The following VPS35L variants were observed in gnomAD, a reference collection of about 807,000 sequenced individuals.
VPS35L encodes the protein VPS35 endosomal protein sorting factor like, also known as VPS35 endosomal protein-sorting factor-like.
A neutral mutation model predicts 133.0 loss-of-function variants in VPS35L; 83 were observed. The ratio of observed to expected loss-of-function variants is 0.62; its 90% CI spans 0.52 to 0.75. VPS35L has a LOEUF of 0.75. VPS35L is among the 30% of genes least tolerant of loss of function. The probability of loss-of-function intolerance (pLI) is 0.00; values close to 1 mark genes in which losing one functional copy is unlikely to be tolerated. For synonymous variants in VPS35L, 423 were observed against 449.9 expected, an observed-to-expected ratio of 0.94 and a Z score of 0.76; for missense variants, 1,083 against 1,206.8, an observed-to-expected ratio of 0.90 and a Z score of 1.52.
chr16:19,690,585 G>T (rs962526138), intron 28 of VPS35L, among the ~76,000 whole-genome samples: 1 of 152,208 alleles, frequency 6.6e-6, no homozygotes, highest in African/African-American at 2.4e-5. Context: ...GTGAGCTCTG[G>T]AATCAGACTT....
chr16:19,656,739 T>A (rs1175752512), intron 26 of VPS35L, among the ~76,000 whole-genome samples: 2 of 151,978 alleles, frequency 1.3e-5, no homozygotes, highest in Non-Finnish European at 2.9e-5. Context: ...GATGAAAGTA[T>A]GCCATGGGTT....
At chr16:19,697,392 C>T (rs1300272251) in intron 29 of VPS35L, among the ~76,000 whole-genome samples, 2 of 152,136 alleles carry the variant, frequency 1.3e-5, no homozygotes, top group Non-Finnish European at 2.9e-5. Flanking sequence ...GGCTTGAGTG[C>T]GGTGAGATCA....
chr16:19,651,377 G>A (rs1457157444), intron 25 of VPS35L, among the ~76,000 whole-genome samples: 1 of 151,172 alleles, frequency 6.6e-6, no homozygotes, highest in Non-Finnish European at 1.5e-5. Context: ...TAATTTTTTT[G>A]TTTTTTGTAG....
intron 12 of VPS35L, among the ~76,000 whole-genome samples, chr16:19,614,597 G>A (rs1972827439): frequency 6.6e-6 from 1 of 152,228 alleles, no homozygotes; most frequent in African/African-American, 2.4e-5. Flanking sequence ...TTTTAGTACA[G>A]AAAGAGTTTC....
rs1211342828 is a variant in VPS35L at position 19,691,475 on chromosome 16, G to T, written c.2646+4G>T. 6.2e-7 allele frequency: 1 copy of T among 1,609,088 alleles called. No homozygotes were observed. Among genetic ancestry groups the T allele is most frequent in the East Asian group, 2.2e-5 (1 of 44,824 alleles). On this transcript the variant is annotated splice_donor_region_variant and intron_variant, in intron 29 of 30. Coordinates refer to ENST00000417362, the MANE Select transcript of VPS35L (RefSeq NM_020314.7). ...GAAAACCCTGGCCAAGGACGAGGTG[G>T]GTGCCCTCTGCTGTCCTCCACCCGC... is the stretch of plus-strand genomic sequence containing the variant.
intron 1 of VPS35L, among the ~76,000 whole-genome samples, chr16:19,557,134 A>C (rs111767035): frequency 0.044 from 6,734 of 152,082 alleles, 501 homozygotes; most frequent in African/African-American, 0.15. Context: ...TGTCTCAAAA[A>C]AATAATAATA....
At position 19,595,315 on chromosome 16, in the gene VPS35L, G is replaced by A. The variant is rs868312160; in HGVS notation, c.724+3441G>A. Among the ~76,000 whole-genome samples, 54 of 152,242 alleles carry A rather than the reference G, an allele frequency of 3.5e-4. 1 individual carries two copies. Among genetic ancestry groups the A allele is most frequent in the African/African-American group, 9.1e-4 (38 of 41,540 alleles). On this transcript the variant is annotated intron_variant, in intron 8 of 30. Transcript: ENST00000417362. ...TGAGAGGCAGGGGTGGCTTGGCCCC[G>A]GGAGGCGGTGGAGATGGTGAGGAGA...
chr16:19,700,219 A>C (rs1341260329), intron 30 of VPS35L, among the ~76,000 whole-genome samples, 159 bp from the exon 31 acceptor site: 1 of 152,236 alleles, frequency 6.6e-6, no homozygotes, highest in East Asian at 1.9e-4. Context: ...CTGCAATCCA[A>C]GAAGTTGAAG....
At chr16:19,666,927 T>TTTCTTC (rs1974698248) in intron 26 of VPS35L, among the ~76,000 whole-genome samples, 86 of 62,962 alleles carry the variant, frequency 1.4e-3, no homozygotes, top group Middle Eastern at 8.2e-3. Context: ...TTTCTTTCTT[T>TTTCTTC]CTTTCTTCCT....
At chr16:19,694,941 G>A (rs1459697693) in intron 29 of VPS35L, among the ~76,000 whole-genome samples, 10 of 152,018 alleles carry the variant, frequency 6.6e-5, no homozygotes, top group Non-Finnish European at 1.0e-4. Context: ...AGGAGGGGGA[G>A]GTTGCAGTGA....
At chr16:19,643,359 G>A (rs181237039) in intron 22 of VPS35L, among the ~76,000 whole-genome samples, 2 of 152,288 alleles carry the variant, frequency 1.3e-5, no homozygotes, top group Admixed American at 6.5e-5. Context: ...TTAAAATTGT[G>A]CATAGTAGAC....
intron 6 of VPS35L, among the ~76,000 whole-genome samples, chr16:19,580,485 G>T (rs1182585208): frequency 6.6e-6 from 1 of 151,920 alleles, no homozygotes; most frequent in East Asian, 1.9e-4. Context: ...TTGGTTCCAG[G>T]TCTCATCATG....
intron 9 of VPS35L, among the ~76,000 whole-genome samples, chr16:19,605,441 C>T (rs1444849950): frequency 6.6e-6 from 1 of 152,158 alleles, no homozygotes. Context: ...AGGGGGTTTC[C>T]ATTATGTTTA....
chr16:19,667,832 C>CT (rs1302148673), intron 26 of VPS35L, among the ~76,000 whole-genome samples: 1 of 151,790 alleles, frequency 6.6e-6, no homozygotes, highest in Non-Finnish European at 1.5e-5. Context: ...CTTTCTCTCA[C>CT]TTTTTTTTCA....
chr16:19,639,917 G>T lies in VPS35L; in HGVS notation c.1699-98G>T, dbSNP rs1222053264. On this transcript the variant is annotated intron_variant, in intron 20 of 30. Coordinates refer to ENST00000417362, the MANE Select transcript of VPS35L (RefSeq NM_020314.7). The surrounding 1 kb of genome is among the most constrained non-coding windows in gnomAD (Gnocchi z 4.1). ...ACCCGACTCAGAGAGATGAACCTCTGTTCTGCTTCTTTGAACTCCACAGAA... is the reference window on the plus strand; with the variant it reads ...ACCCGACTCAGAGAGATGAACCTCTTTTCTGCTTCTTTGAACTCCACAGAA... 2 of 1,025,552 alleles carry T rather than the reference G, an allele frequency of 2.0e-6. No individual in the cohort carries two copies. Among genetic ancestry groups the T allele is most frequent in the African/African-American group, 1.6e-5 (1 of 62,696 alleles). 63.5% of individuals were successfully genotyped at this position (1,025,552 alleles called of 1,614,324 possible). A position where few individuals can be genotyped will look rare whatever the true frequency, so the allele number is the denominator to read the frequency against.
intron 29 of VPS35L, among the ~76,000 whole-genome samples, chr16:19,694,795 C>G (rs962733527): frequency 2.0e-5 from 3 of 152,138 alleles, no homozygotes; most frequent in African/African-American, 7.2e-5. Flanking sequence ...CACTTGAGGT[C>G]AGAAGTTTGA....
chr16:19,633,962 G>A lies in VPS35L; in HGVS notation c.1635+790G>A, dbSNP rs553239264. ...AGGGTGGTCTCGATGTCCTGACTTC[G>A]TGATCCACCCGCCTCAGCCTCCCAA... is the stretch of plus-strand genomic sequence containing the variant. On this transcript the variant is annotated intron_variant, in intron 19 of 30. Transcript: ENST00000417362. This position sits in a 1 kb window ranked among gnomAD's most constrained non-coding sequence, Gnocchi z 4.1. Among the ~76,000 whole-genome samples the A allele has an allele frequency of 4.7e-4, 72 of 151,960 alleles. No individual in the cohort carries two copies. The highest frequency in any genetic ancestry group is 1.7e-3 in the African/African-American group (69 of 41,494).
chr16:19,555,755 G>T lies in VPS35L; in HGVS notation c.17+9G>T. ...ATGGCCGTCTTTCCTTGGTAAGGAAGCAGCGGCGGGTGGGCTTTGGAGAGG... is the reference window on the plus strand; with the variant it reads ...ATGGCCGTCTTTCCTTGGTAAGGAATCAGCGGCGGGTGGGCTTTGGAGAGG... On this transcript the variant is annotated intron_variant, in intron 1 of 30. Transcript: ENST00000417362. The T allele has an allele frequency of 6.4e-7, 1 of 1,572,490 alleles. No individual in the cohort carries two copies. Among genetic ancestry groups the T allele is most frequent in the Non-Finnish European group, 8.6e-7 (1 of 1,159,950 alleles).
intron 28 of VPS35L, among the ~76,000 whole-genome samples, chr16:19,686,252 C>T (rs1352365929): frequency 6.6e-6 from 1 of 152,114 alleles, no homozygotes; most frequent in Non-Finnish European, 1.5e-5. Context: ...GTTGACACAG[C>T]TTAGAACTTG....
Sources: allele counts gnomAD v4.1 joint callset (sites outside exome capture counted in the v4.1 genomes callset), GRCh38; gene constraint gnomAD v4.1.1; non-coding constraint Gnocchi (gnomAD v3.1); transcripts MANE v1.5; gene names NCBI Gene and HGNC (gene_info 2026-07-23, HGNC 2026-07-21).